The following LAMA3 variants were observed in gnomAD, a reference collection of about 807,000 sequenced individuals.
LAMA3 encodes the protein laminin subunit alpha 3.
LAMA3 carries 281 observed loss-of-function variants against 402.0 expected under a neutral mutation model. The observed-to-expected ratio is 0.70, with a 90% CI of 0.63 to 0.77. The LOEUF (loss-of-function observed/expected upper bound fraction) is 0.77. LAMA3 is among the 30% of genes least tolerant of loss of function. LAMA3 has a pLI of 0.00. For synonymous variants in LAMA3, 1,431 were observed against 1,558.4 expected, an observed-to-expected ratio of 0.92 and a Z score of 1.93; for missense variants, 3,840 against 4,215.5, an observed-to-expected ratio of 0.91 and a Z score of 2.47.
At chr18:23,817,604 G>A (rs1159004078) in intron 18 of LAMA3, among the ~76,000 whole-genome samples, 1 of 152,090 alleles carries the variant, frequency 6.6e-6, no homozygotes, top group Non-Finnish European at 1.5e-5. Context: ...AGTCCTAGCT[G>A]CTCAGGAGGC....
intron 12 of LAMA3, among the ~76,000 whole-genome samples, chr18:23,788,975 A>G (rs924861629): frequency 6.6e-6 from 1 of 151,820 alleles, no homozygotes; most frequent in Non-Finnish European, 1.5e-5. Context: ...TTACAACTCA[A>G]TACTTAAAAA....
At chr18:23,737,908 G>A (rs1031167213) in intron 2 of LAMA3, among the ~76,000 whole-genome samples, 19 of 152,222 alleles carry the variant, frequency 1.2e-4, no homozygotes, top group South Asian at 4.1e-4. Context: ...ACCGCTCAGC[G>A]GAGGCCTGAG....
chr18:23,783,608 A>G (rs751110835), intron 11 of LAMA3, among the ~76,000 whole-genome samples: 2 of 152,228 alleles, frequency 1.3e-5, no homozygotes, highest in East Asian at 1.9e-4. Flanking sequence ...GAAGCCCCCA[A>G]TGCCTGATAT....
chr18:23,909,049 G>T, intron 54 of LAMA3, 104 bp from the exon 55 acceptor site: 2 of 1,098,408 alleles, frequency 1.8e-6, no homozygotes, highest in Middle Eastern at 2.0e-4. Context: ...TTCAACATCT[G>T]GGGACCAAAC....
In LAMA3 at chr18:23,824,162, A is replaced by T. The variant is rs566241999; in HGVS notation, c.2429-261A>T. 7.9e-5 allele frequency among the ~76,000 whole-genome samples: 12 copies of T among 152,356 alleles called. No individual in the cohort carries two copies. The South Asian group carries it at 2.5e-3, about 32-fold the overall frequency. ...TCCTAAACTGTTTACAAGTATTAAT[A>T]TACTTATTTAATAAGTTAAACAATT... On this transcript the variant is annotated intron_variant, in intron 20 of 74. Transcript: ENST00000313654.
At chr18:23,886,596 C>A (rs1472391439) in intron 41 of LAMA3, among the ~76,000 whole-genome samples, 1 of 151,480 alleles carries the variant, frequency 6.6e-6, no homozygotes. Flanking sequence ...GAGCTATGAT[C>A]GCACTACTGC....
chr18:23,915,663 T>C (rs1034265200), intron 59 of LAMA3, among the ~76,000 whole-genome samples: 4 of 152,182 alleles, frequency 2.6e-5, no homozygotes, highest in African/African-American at 9.7e-5. Context: ...AAAAAGTCTT[T>C]ATGAAAATTT....
rs141992173 is a variant in LAMA3, at chr18:23,951,690, G to A, written c.9649G>A (p.Ala3217Thr). The change falls in exon 73 of 75, where the codon GCC becomes ACC. Residue 3217 changes from alanine (A) to threonine (T), a missense_variant. Ala to Thr is a moderately conservative substitution (Grantham distance 58). Coordinates refer to ENST00000313654, the MANE Select transcript of LAMA3 (RefSeq NM_198129.4). The part of the protein sequence containing the change: ...CVYLEAGKVT[A>T]SMDSGAGGTS... Reference sequence around the variant, plus strand: ...AAATGCATGTGTGTTCCAGGTCACGGCCTCTATGGACAGTGGGGCAGGTGG... The same window carrying A: ...AAATGCATGTGTGTTCCAGGTCACGACCTCTATGGACAGTGGGGCAGGTGG... 1.3e-4 allele frequency: 212 copies of A among 1,613,740 alleles called. 2 individuals carry two copies. The African/African-American group carries it at 2.7e-3, about 20-fold the overall frequency.
intron 2 of LAMA3, among the ~76,000 whole-genome samples, chr18:23,745,162 A>C (rs1047664173): frequency 4.8e-5 from 7 of 146,844 alleles, no homozygotes. Context: ...CTTCCTTTCA[A>C]AGAATCAAAA....
intron 70 of LAMA3, among the ~76,000 whole-genome samples, chr18:23,948,712 G>T (rs1038140470): frequency 3.9e-5 from 6 of 151,964 alleles, no homozygotes; most frequent in African/African-American, 1.5e-4. Flanking sequence ...TGGGACTACA[G>T]GCACCTGCCA....
intron 11 of LAMA3, among the ~76,000 whole-genome samples, chr18:23,783,817 A>T (rs2144001974): frequency 6.6e-6 from 1 of 152,208 alleles, no homozygotes; most frequent in South Asian, 2.1e-4. Flanking sequence ...GCCCATCCTT[A>T]CGTGTTTTTT....
At position 23,871,669 on chromosome 18, in the gene LAMA3, G is replaced by A. The variant is rs2144817337; in HGVS notation, c.4998+8G>A. ...GCTGGTGACTCTTGTCAGGTAGGAAGTTTTCCCATCCGCAACATTTCCCTA... is the reference window on the plus strand; with the variant it reads ...GCTGGTGACTCTTGTCAGGTAGGAAATTTTCCCATCCGCAACATTTCCCTA... On this transcript the variant is annotated splice_region_variant and intron_variant, in intron 38 of 74. Transcript: ENST00000313654. 1 of 1,588,240 alleles carries A rather than the reference G, an allele frequency of 6.3e-7. No individual in the cohort carries two copies. Among genetic ancestry groups the A allele is most frequent in the Non-Finnish European group, 8.6e-7 (1 of 1,166,340 alleles).
At chr18:23,906,172 A>G (rs2081243219) in intron 52 of LAMA3, among the ~76,000 whole-genome samples, 1 of 152,210 alleles carries the variant, frequency 6.6e-6, no homozygotes, top group South Asian at 2.1e-4. Context: ...AGCCTTATAA[A>G]TATAAATAAA....
At chr18:23,726,774 C>T (rs922704789) in intron 2 of LAMA3, among the ~76,000 whole-genome samples, 3 of 151,998 alleles carry the variant, frequency 2.0e-5, no homozygotes, top group Admixed American at 6.6e-5. Context: ...TCCGCCACTG[C>T]GCCTGGCTAA....
intron 8 of LAMA3, among the ~76,000 whole-genome samples, chr18:23,769,797 A>G (rs1353360478): frequency 1.3e-5 from 2 of 152,250 alleles, no homozygotes; most frequent in East Asian, 1.9e-4. Context: ...AATGGACTAA[A>G]CACTCCAATT....
chr18:23,846,442 C>A lies in LAMA3; in HGVS notation c.3865C>A (p.Pro1289Thr), dbSNP rs1224045784. The A allele has an allele frequency of 6.2e-7, 1 of 1,613,828 alleles. No homozygotes were observed. Among genetic ancestry groups the A allele is most frequent in the Admixed American group, 1.7e-5 (1 of 60,034 alleles). ...SPEGGQCPCQ[P>T]NVIGRQCTRC... ...TGAGGGTGGGCAGTGCCCATGCCAG[C>A]CCAACGTCATCGGGCGGCAGTGCAC... is the stretch of plus-strand genomic sequence containing the variant. Residue 1289 changes from proline (P) to threonine (T), a missense_variant, in exon 31 of 75, where the codon CCC becomes ACC. Pro to Thr is a conservative substitution (Grantham distance 38). Transcript: ENST00000313654.
chr18:23,932,153 C>G lies in LAMA3; in HGVS notation c.8577-7C>G. 2 of 1,613,852 alleles carry G rather than the reference C, an allele frequency of 1.2e-6. No homozygotes were observed. The highest frequency in any genetic ancestry group is 1.7e-6 in the Non-Finnish European group (2 of 1,179,812). On this transcript the variant is annotated splice_polypyrimidine_tract_variant and splice_region_variant and intron_variant, in intron 65 of 74. Coordinates refer to ENST00000313654, the MANE Select transcript of LAMA3 (RefSeq NM_198129.4). ...CTCACCCATGATTTGCTTTTCTTCC[C>G]TTTCAGACTACGGCTTCTCATCGAT...
intron 2 of LAMA3, among the ~76,000 whole-genome samples, chr18:23,733,582 A>G (rs907526613): frequency 6.6e-6 from 1 of 152,190 alleles, no homozygotes; most frequent in Non-Finnish European, 1.5e-5. Context: ...ATAATTCAAG[A>G]TGAGATCTGG....
Position 23,912,696 on chromosome 18 carries a change from A to G in LAMA3, c.7159-15A>G, listed in dbSNP as rs368715034. 360 of 1,612,246 alleles carry G rather than the reference A, an allele frequency of 2.2e-4. No homozygotes were observed. Among genetic ancestry groups the G allele is most frequent in the Admixed American group, 7.5e-4 (45 of 59,998 alleles). ...ACAGGACAGTGTTTGACACCATGTA[A>G]CTTACTCCTCACAGGTTGCTGTCCC... On this transcript the variant is annotated splice_polypyrimidine_tract_variant and intron_variant, in intron 55 of 74. Transcript: ENST00000313654.
Sources: allele counts gnomAD v4.1 joint callset (sites outside exome capture counted in the v4.1 genomes callset), GRCh38; gene constraint gnomAD v4.1.1; transcripts MANE v1.5; gene names NCBI Gene and HGNC (gene_info 2026-07-23, HGNC 2026-07-21).